The following RHEB variants were observed in gnomAD, a reference collection of about 807,000 sequenced individuals.
RHEB encodes GTP-binding protein Rheb.
Under a neutral mutation model 28.8 loss-of-function variants are expected in RHEB, and 2 were observed. The observed-to-expected ratio is 0.07, with a 90% CI of 0.03 to 0.22. RHEB has a LOEUF of 0.22. Among genes scored for constraint, RHEB ranks in the 10% least tolerant of loss-of-function variants. RHEB has a pLI of 1.00. For synonymous variants in RHEB, 69 were observed against 77.3 expected (o/e 0.89, Z 0.56); for missense variants, 76 against 219.9 (o/e 0.35, Z 4.14).
chr7:151,513,526 T>G (rs1292351681), intron 1 of RHEB, among the ~76,000 whole-genome samples: 1 of 152,222 alleles, frequency 6.6e-6, no homozygotes, highest in Non-Finnish European at 1.5e-5. Flanking sequence ...ATAAAATGTG[T>G]CAACATGTGG....
At chr7:151,476,829 G>A (rs1802280825) in intron 4 of RHEB, among the ~76,000 whole-genome samples, 1 of 152,166 alleles carries the variant, frequency 6.6e-6, no homozygotes, top group South Asian at 2.1e-4. Context: ...CCCCCGATAA[G>A]AGGAGACATG....
chr7:151,492,838 A>ATTTTTTTT (rs538597333), intron 1 of RHEB, among the ~76,000 whole-genome samples: 1 of 125,182 alleles, frequency 8.0e-6, no homozygotes, highest in Non-Finnish European at 1.6e-5. Flanking sequence ...AATTCTCAAC[A>ATTTTTTTT]TTTTTTTTTT....
intron 1 of RHEB, among the ~76,000 whole-genome samples, chr7:151,511,424 T>C (rs1488586859): frequency 1.3e-5 from 2 of 152,206 alleles, no homozygotes; most frequent in Non-Finnish European, 2.9e-5. Flanking sequence ...CAAGCAAGCA[T>C]GACACTTCGG....
chr7:151,469,295 T>TA (rs1341601226), intron 7 of RHEB, among the ~76,000 whole-genome samples: 1 of 152,232 alleles, frequency 6.6e-6, no homozygotes, highest in Admixed American at 6.5e-5. Context: ...CCCACTGTGC[T>TA]AAACATTATG....
In RHEB at chr7:151,467,238, AGT is replaced by A. The variant is rs766642352; in HGVS notation, c.463-29_463-28del. Reference sequence around the variant, plus strand: ...TGAAAAGAGAAAGAAACCCAATCACAGTGTTAGTGTGAAGCCGAACTCCGAGA... The same window carrying A: ...TGAAAAGAGAAAGAAACCCAATCACAGTTAGTGTGAAGCCGAACTCCGAGA... On this transcript the variant is annotated intron_variant, in intron 7 of 7. Coordinates refer to ENST00000262187, the MANE Select transcript of RHEB (RefSeq NM_005614.4). 2.0e-5 allele frequency: 30 copies of A among 1,533,162 alleles called. No homozygotes were observed. In the African/African-American group the frequency reaches 3.7e-4, roughly 19 times the overall value. The allele number at this position is 1,533,162 out of a possible 1,614,324, so 95.0% of individuals were successfully genotyped here. A position where few individuals can be genotyped will look rare whatever the true frequency, so the allele number is the denominator to read the frequency against.
intron 1 of RHEB, chr7:151,498,109 G>A: frequency 7.8e-7 from 1 of 1,289,356 alleles, no homozygotes; most frequent in Non-Finnish European, 1.0e-6. Flanking sequence ...TGTGCCCATG[G>A]GGATGCACCT....
intron 2 of RHEB, among the ~76,000 whole-genome samples, chr7:151,486,367 A>G (rs1364470326): frequency 1.3e-5 from 2 of 152,126 alleles, no homozygotes; most frequent in African/African-American, 4.8e-5. Flanking sequence ...CACCAGTAGC[A>G]CTGTTGTGGG....
At chr7:151,506,978 G>A (rs1802893114) in intron 1 of RHEB, among the ~76,000 whole-genome samples, 1 of 152,208 alleles carries the variant, frequency 6.6e-6, no homozygotes, top group African/African-American at 2.4e-5. Context: ...ACTTCTTAGG[G>A]CTTAAAGCCT....
At chr7:151,486,508 G>A (rs993157429) in intron 2 of RHEB, among the ~76,000 whole-genome samples, 9 of 152,166 alleles carry the variant, frequency 5.9e-5, no homozygotes, top group African/African-American at 2.2e-4. Flanking sequence ...CCAGGCAGAG[G>A]TTAAACAGCA....
At chr7:151,488,078 A>G (rs1802514234) in intron 2 of RHEB, among the ~76,000 whole-genome samples, 1 of 152,212 alleles carries the variant, frequency 6.6e-6, no homozygotes, top group South Asian at 2.1e-4. Context: ...TGCTACCTTG[A>G]GATGGCAGAA....
At chr7:151,511,468 C>T (rs1025590755) in intron 1 of RHEB, among the ~76,000 whole-genome samples, 7 of 150,702 alleles carry the variant, frequency 4.6e-5, no homozygotes, top group African/African-American at 4.8e-5. Flanking sequence ...AACTGCCCTG[C>T]TTTCTTAACT....
At position 151,471,475 on chromosome 7, in the gene RHEB, T is replaced by A. The variant is rs201221475; in HGVS notation, c.333-34A>T. The A allele has an allele frequency of 3.9e-5, 61 of 1,555,186 alleles. 1 individual carries two copies. The African/African-American group carries it at 6.1e-4, about 16-fold the overall frequency. ...AAGAAAAAAAAGACAAACCAGTAAG[T>A]GCCAGATTGTATTGCTCAGAAGATA... On this transcript the variant is annotated intron_variant, in intron 5 of 7. Transcript: ENST00000262187.
At chr7:151,469,391 G>T (rs1425392850) in intron 7 of RHEB, among the ~76,000 whole-genome samples, 2 of 152,186 alleles carry the variant, frequency 1.3e-5, no homozygotes, top group African/African-American at 4.8e-5. Context: ...CTTTCAGCTG[G>T]ATGGATCCAG....
At chr7:151,499,126 G>A (rs1012865862) in intron 1 of RHEB, among the ~76,000 whole-genome samples, 7 of 152,204 alleles carry the variant, frequency 4.6e-5, no homozygotes, top group African/African-American at 1.4e-4. Context: ...TAGCACTTTG[G>A]GAGGCCAAGG....
At chr7:151,484,630 C>A in intron 3 of RHEB, 107 bp downstream of exon 3, 1 of 798,608 alleles carries the variant, frequency 1.3e-6, no homozygotes. Context: ...TGTCTGCACA[C>A]AACCTGAGGG....
chr7:151,467,314 G>A, intron 7 of RHEB, 103 bp from the exon 8 acceptor site: 1 of 815,494 alleles, frequency 1.2e-6, no homozygotes, highest in Non-Finnish European at 2.1e-6. Context: ...CCCTCCTACT[G>A]GTGGAGGAGG....
At chr7:151,474,011 A>C (rs567461236) in intron 4 of RHEB, among the ~76,000 whole-genome samples, 1 of 152,220 alleles carries the variant, frequency 6.6e-6, no homozygotes, top group Admixed American at 6.5e-5. Context: ...GTCATAATGG[A>C]CAAATCGTGG....
At chr7:151,501,083 T>C (rs2150934071) in intron 1 of RHEB, among the ~76,000 whole-genome samples, 1 of 152,288 alleles carries the variant, frequency 6.6e-6, no homozygotes. Context: ...GTGAAGATTC[T>C]GAGGTATAAA....
chr7:151,469,448 C>T (rs1802120548), intron 7 of RHEB, among the ~76,000 whole-genome samples: 1 of 152,144 alleles, frequency 6.6e-6, no homozygotes, highest in Admixed American at 6.5e-5. Context: ...TTGAGGACTA[C>T]AAACCTCCGT....
Sources: gnomAD v4.1 joint callset for allele counts (sites outside exome capture counted in the v4.1 genomes callset) on GRCh38, gnomAD v4.1.1 for gene constraint, MANE v1.5 for transcripts, NCBI Gene and HGNC (gene_info 2026-07-23, HGNC 2026-07-21) for gene names.